BCAT1: variants seen among roughly 807,000 people sequenced by gnomAD.
BCAT1 encodes branched-chain-amino-acid aminotransferase, cytosolic.
BCAT1 carries 48 observed loss-of-function variants against 52.4 expected under a neutral mutation model. The observed-to-expected ratio is 0.92, with a 90% confidence interval of 0.73 to 1.16. The LOEUF (loss-of-function observed/expected upper bound fraction) is 1.16. BCAT1 is among the 50% of genes most tolerant of loss of function. The pLI is 0.00. For missense variants in BCAT1, 451 were observed against 457.1 expected, an observed-to-expected ratio of 0.99 and a Z score of 0.12; for synonymous variants, 167 against 161.3, an observed-to-expected ratio of 1.04 and a Z score of -0.27.
chr12:24,870,065 G>C (rs1025066059), intron 5 of BCAT1, among the ~76,000 whole-genome samples: 8 of 151,976 alleles, frequency 5.3e-5, no homozygotes, highest in Non-Finnish European at 1.2e-4. Context: ...AATAGGAATT[G>C]CTTGGAAGGA....
intron 6 of BCAT1, among the ~76,000 whole-genome samples, chr12:24,846,227 T>A (rs978846459): frequency 6.6e-6 from 1 of 152,196 alleles, no homozygotes; most frequent in African/African-American, 2.4e-5. Flanking sequence ...GTTTTTTATG[T>A]TTAAGTTTTA....
At chr12:24,862,800 C>T (rs1358094850) in intron 5 of BCAT1, among the ~76,000 whole-genome samples, 1 of 151,186 alleles carries the variant, frequency 6.6e-6, no homozygotes, top group Admixed American at 6.6e-5. Context: ...ACTTCTACCA[C>T]ACTTCAATTA....
At chr12:24,837,027 A>C (rs557909140) in intron 7 of BCAT1, among the ~76,000 whole-genome samples, 1 of 130,972 alleles carries the variant, frequency 7.6e-6, no homozygotes, top group Non-Finnish European at 1.7e-5. Context: ...GAAAAAAGAA[A>C]GAAAGAAAGA....
intron 10 of BCAT1, among the ~76,000 whole-genome samples, chr12:24,826,058 A>T (rs1293371161): frequency 1.3e-5 from 2 of 152,144 alleles, no homozygotes; most frequent in African/African-American, 4.8e-5. Context: ...CAAAAAATTT[A>T]AAAATTAGTG....
At chr12:24,911,605 A>G (rs1943327775) in intron 1 of BCAT1, among the ~76,000 whole-genome samples, 1 of 152,196 alleles carries the variant, frequency 6.6e-6, no homozygotes. Flanking sequence ...ATATATACAC[A>G]CCACGATGAA....
intron 1 of BCAT1, among the ~76,000 whole-genome samples, chr12:24,941,248 T>C (rs1181897745): frequency 6.6e-6 from 1 of 152,230 alleles, no homozygotes; most frequent in African/African-American, 2.4e-5. Context: ...TATGTGAGTT[T>C]TCCAGTAGAC....
At chr12:24,821,600 G>A (rs1940130099) in intron 10 of BCAT1, among the ~76,000 whole-genome samples, 1 of 152,102 alleles carries the variant, frequency 6.6e-6, no homozygotes, top group African/African-American at 2.4e-5. Flanking sequence ...AGCAATACAT[G>A]TTTTGCTCTT....
intron 1 of BCAT1, among the ~76,000 whole-genome samples, chr12:24,933,806 G>A (rs550995080): frequency 2.0e-5 from 3 of 152,036 alleles, no homozygotes; most frequent in South Asian, 2.1e-4. Flanking sequence ...AGGAAACACC[G>A]GCGGGTGGCG....
intron 1 of BCAT1, among the ~76,000 whole-genome samples, chr12:24,943,852 C>T (rs541676844): frequency 2.3e-4 from 35 of 152,068 alleles, no homozygotes; most frequent in South Asian, 8.3e-4. Context: ...GGCGTGGTGG[C>T]GGGCGCCTGT....
At chr12:24,875,642 C>T (rs1216449875) in intron 5 of BCAT1, among the ~76,000 whole-genome samples, 1 of 152,174 alleles carries the variant, frequency 6.6e-6, no homozygotes, top group African/African-American at 2.4e-5. Context: ...CAATCACTCA[C>T]CAGATCTACT....
chr12:24,870,004 A>ATGTG (rs539712345), intron 5 of BCAT1, among the ~76,000 whole-genome samples: 71 of 141,364 alleles, frequency 5.0e-4, no homozygotes, highest in East Asian at 2.9e-3. Flanking sequence ...GTGTGTATAT[A>ATGTG]TGTGTGTGTG....
intron 1 of BCAT1, among the ~76,000 whole-genome samples, chr12:24,925,215 C>G (rs760645076): frequency 2.0e-5 from 3 of 152,108 alleles, no homozygotes; most frequent in African/African-American, 7.2e-5. Flanking sequence ...GCAAAAAAGA[C>G]GGAGGTTTCC....
At chr12:24,915,294 C>T (rs1310673529) in intron 1 of BCAT1, among the ~76,000 whole-genome samples, 1 of 151,294 alleles carries the variant, frequency 6.6e-6, no homozygotes, top group Non-Finnish European at 1.5e-5. Flanking sequence ...GTGATATATA[C>T]AGAAATGATA....
At chr12:24,937,702 T>A (rs16928207) in intron 1 of BCAT1, among the ~76,000 whole-genome samples, 62,094 of 151,922 alleles carry the variant, frequency 0.41, 13,044 homozygotes, top group South Asian at 0.57. Context: ...GGAGTTTTTA[T>A]AGCAGGTGAC....
chr12:24,916,546 T>C (rs1943411951), intron 1 of BCAT1, among the ~76,000 whole-genome samples: 1 of 152,214 alleles, frequency 6.6e-6, no homozygotes, highest in South Asian at 2.1e-4. Flanking sequence ...GTTTTTTTGT[T>C]TGTTTGTTTT....
chr12:24,900,885 C>T (rs557892831), intron 2 of BCAT1, among the ~76,000 whole-genome samples: 41 of 152,164 alleles, frequency 2.7e-4, no homozygotes, highest in African/African-American at 8.0e-4. Flanking sequence ...GAGCTGAGAT[C>T]GTGCCACTGC....
chr12:24,858,080 A>C (rs1941743714), intron 5 of BCAT1, among the ~76,000 whole-genome samples: 1 of 152,194 alleles, frequency 6.6e-6, no homozygotes, highest in South Asian at 2.1e-4. Context: ...TTGCCTTCTA[A>C]CTGCACCTGT....
At chr12:24,919,423 G>A (rs1197221349) in intron 1 of BCAT1, among the ~76,000 whole-genome samples, 1 of 152,106 alleles carries the variant, frequency 6.6e-6, no homozygotes, top group Admixed American at 6.5e-5. Flanking sequence ...TAGCTTTATT[G>A]TCAGATAGAC....
intron 1 of BCAT1, among the ~76,000 whole-genome samples, chr12:24,939,305 T>C (rs1285700938): frequency 1.3e-5 from 2 of 152,244 alleles, no homozygotes; most frequent in Non-Finnish European, 2.9e-5. Context: ...CACAAATGTC[T>C]AATTAAGTAA....
Sources: allele counts gnomAD v4.1 joint callset (sites outside exome capture counted in the v4.1 genomes callset), GRCh38; gene constraint gnomAD v4.1.1; transcripts MANE v1.5; gene names NCBI Gene and HGNC (gene_info 2026-07-23, HGNC 2026-07-21).